UBAC2: variants seen among roughly 807,000 people sequenced by gnomAD.
UBAC2 encodes the protein UBA domain containing 2.
In UBAC2, 26 loss-of-function variants were observed where a neutral mutation model predicts 44.0. The observed-to-expected ratio is 0.59, with a 90% CI of 0.43 to 0.82. UBAC2 has a LOEUF of 0.82. Ranked by LOEUF, UBAC2 falls within the 40% of genes least tolerant of loss-of-function variation. The probability of loss-of-function intolerance (pLI) is 0.00; values close to 1 mark genes in which losing one functional copy is unlikely to be tolerated. For synonymous variants in UBAC2, 155 were observed against 154.3 expected (o/e 1.00, Z -0.04); for missense variants, 329 against 419.4 (o/e 0.78, Z 1.88).
intron 7 of UBAC2, among the ~76,000 whole-genome samples, chr13:99,341,800 C>T (rs1443666838): frequency 6.6e-6 from 1 of 152,052 alleles, no homozygotes; most frequent in Non-Finnish European, 1.5e-5. Flanking sequence ...TGATCAAGGT[C>T]AGAAAAACTG....
Position 99,330,840 on chromosome 13 carries a change from G to A in UBAC2, c.562-9480G>A, listed in dbSNP as rs902423450. 3.9e-5 allele frequency among the ~76,000 whole-genome samples: 6 copies of A among 152,076 alleles called. No homozygotes were observed. In the East Asian group the frequency reaches 1.2e-3, roughly 29 times the overall value. ...TTTAGTTTGTTATTTTTCATCAAAG[G>A]TAAGAAATGAGTTTCAACTGAAATA... On this transcript the variant is annotated intron_variant, in intron 6 of 8. Transcript: ENST00000403766.
intron 1 of UBAC2, among the ~76,000 whole-genome samples, chr13:99,215,950 C>T (rs1210104444): frequency 6.6e-6 from 1 of 152,148 alleles, no homozygotes; most frequent in African/African-American, 2.4e-5. Context: ...AGGCTATTTT[C>T]CTATTGTAAC....
intron 4 of UBAC2, among the ~76,000 whole-genome samples, chr13:99,285,458 T>C (rs1419723272): frequency 6.6e-6 from 1 of 152,012 alleles, no homozygotes; most frequent in African/African-American, 2.4e-5. Context: ...AGTGGTGCGA[T>C]TGTAGCTCAC....
intron 6 of UBAC2, among the ~76,000 whole-genome samples, chr13:99,335,037 T>G (rs1274930736): frequency 6.6e-6 from 1 of 152,192 alleles, no homozygotes; most frequent in Non-Finnish European, 1.5e-5. Flanking sequence ...GCAGAATGCT[T>G]TGTTATGACG....
At chr13:99,319,806 G>T (rs1381799072) in intron 6 of UBAC2, among the ~76,000 whole-genome samples, 1 of 152,158 alleles carries the variant, frequency 6.6e-6, no homozygotes, top group Non-Finnish European at 1.5e-5. Context: ...CCAAGTCTAG[G>T]CTCACCCAGT....
intron 5 of UBAC2, among the ~76,000 whole-genome samples, chr13:99,317,817 C>G (rs1002045942): frequency 6.6e-6 from 1 of 151,906 alleles, no homozygotes; most frequent in African/African-American, 2.4e-5. Flanking sequence ...TATACAAAGT[C>G]TGATGTCTGA....
At chr13:99,291,012 T>TA (rs772556140) in intron 4 of UBAC2, among the ~76,000 whole-genome samples, 14 of 152,160 alleles carry the variant, frequency 9.2e-5, no homozygotes, top group Non-Finnish European at 1.8e-4. Context: ...TGGAACCTCT[T>TA]ACTAACCAAG....
rs1439233636 is a variant in UBAC2, at chr13:99,258,374, G to T, written c.389+13750G>T. ...TGGTGCTGGGCTGACTTTAATTGCT[G>T]CTTTGTCTCTTTCAGGAAGTGCTCT... On this transcript the variant is annotated intron_variant, in intron 4 of 8. Coordinates refer to ENST00000403766, the MANE Select transcript of UBAC2 (RefSeq NM_001144072.2). 3 of 152,222 alleles carry T rather than the reference G, an allele frequency of 2.0e-5. No individual in the cohort carries two copies. In the East Asian group the frequency reaches 5.8e-4, roughly 29 times the overall value. The allele number at this position is 152,222 out of a possible 1,614,324, so 9.4% of individuals were successfully genotyped here.
intron 4 of UBAC2, among the ~76,000 whole-genome samples, chr13:99,276,216 A>G (rs937352370): frequency 3.3e-5 from 5 of 152,170 alleles, no homozygotes; most frequent in Non-Finnish European, 5.9e-5. Flanking sequence ...CAGCAGTTCA[A>G]TTCAGTTCTG....
At chr13:99,323,115 C>G (rs987267122) in intron 6 of UBAC2, among the ~76,000 whole-genome samples, 2 of 152,010 alleles carry the variant, frequency 1.3e-5, no homozygotes, top group African/African-American at 2.4e-5. Context: ...GCCCAGCTCT[C>G]TCTTCTCTCC....
At chr13:99,203,413 G>A (rs1356277571) in intron 1 of UBAC2, among the ~76,000 whole-genome samples, 14 of 152,200 alleles carry the variant, frequency 9.2e-5, no homozygotes, top group African/African-American at 3.1e-4. Context: ...AGGACGACAC[G>A]TGTACCTAGC....
At chr13:99,202,192 T>G (rs2042812309) in intron 1 of UBAC2, among the ~76,000 whole-genome samples, 1 of 152,202 alleles carries the variant, frequency 6.6e-6, no homozygotes, top group Non-Finnish European at 1.5e-5. Context: ...ATTTTAAATC[T>G]TCCTCACTTC....
intron 1 of UBAC2, among the ~76,000 whole-genome samples, chr13:99,204,939 C>T (rs1423124661): frequency 8.4e-6 from 1 of 119,714 alleles, no homozygotes; most frequent in Non-Finnish European, 1.6e-5. Context: ...GAGTCTTGCT[C>T]TGTCGCCAGG....
chr13:99,297,399 A>G (rs1205567758), intron 4 of UBAC2, among the ~76,000 whole-genome samples: 1 of 152,192 alleles, frequency 6.6e-6, no homozygotes, highest in Non-Finnish European at 1.5e-5. Context: ...ACTATACAGT[A>G]TTTCCTTAAA....
intron 4 of UBAC2, among the ~76,000 whole-genome samples, chr13:99,302,858 A>T (rs1356984387): frequency 2.6e-5 from 4 of 152,118 alleles, no homozygotes; most frequent in African/African-American, 9.7e-5. Context: ...GGTTAAATAC[A>T]TCTTTGTACA....
chr13:99,235,509 T>C (rs2142719375), intron 1 of UBAC2, among the ~76,000 whole-genome samples: 1 of 152,322 alleles, frequency 6.6e-6, no homozygotes, highest in East Asian at 1.9e-4. Context: ...TGAAGTATCA[T>C]ACTGCCTGAC....
chr13:99,201,588 ACAGC>A, intron 1 of UBAC2: 1 of 1,613,064 alleles, frequency 6.2e-7, no homozygotes, highest in Non-Finnish European at 8.5e-7. Context: ...GAGTATTTTT[ACAGC>A]CAGTTAAACG....
At chr13:99,303,595 A>C (rs2044287818) in intron 4 of UBAC2, among the ~76,000 whole-genome samples, 1 of 152,196 alleles carries the variant, frequency 6.6e-6, no homozygotes, top group Non-Finnish European at 1.5e-5. Flanking sequence ...TGTATCTGGC[A>C]TGATTTGTAG....
intron 6 of UBAC2, among the ~76,000 whole-genome samples, chr13:99,327,329 A>T (rs1249035202): frequency 6.6e-6 from 1 of 152,250 alleles, no homozygotes; most frequent in Non-Finnish European, 1.5e-5. Context: ...TACATTGTAG[A>T]GATTACTGGT....
Sources: gnomAD v4.1 joint callset for allele counts (sites outside exome capture counted in the v4.1 genomes callset) on GRCh38, gnomAD v4.1.1 for gene constraint, MANE v1.5 for transcripts, NCBI Gene and HGNC (gene_info 2026-07-23, HGNC 2026-07-21) for gene names.